The following GALNT6 variants were observed in gnomAD, a reference collection of about 807,000 sequenced individuals.
GALNT6 encodes polypeptide N-acetylgalactosaminyltransferase 6.
Under a neutral mutation model 65.9 loss-of-function variants are expected in GALNT6, and 51 were observed. The ratio of observed to expected loss-of-function variants is 0.77; its 90% confidence interval spans 0.62 to 0.98. The LOEUF (loss-of-function observed/expected upper bound fraction) is 0.98, where lower values mean the gene tolerates loss of function less well. GALNT6 is among the 50% of genes least tolerant of loss of function. The pLI is 0.00. For synonymous variants in GALNT6, 323 were observed against 315.1 expected (o/e 1.02, Z -0.26); for missense variants, 708 against 803.3 (o/e 0.88, Z 1.43).
At chr12:51,385,392 C>T (rs1238305398) in intron 2 of GALNT6, among the ~76,000 whole-genome samples, 1 of 152,150 alleles carries the variant, frequency 6.6e-6, no homozygotes, top group Non-Finnish European at 1.5e-5. Flanking sequence ...ATTCATACAA[C>T]TAAAGACAAA....
Position 51,387,300 on chromosome 12 carries a change from A to G in GALNT6, c.-104+3550T>C, listed in dbSNP as rs796435442. ...TTTTTAGTAGAGACAGTGTTTCGCCATGTTGGCCAGGCTAGTCTTGAACTC... is the reference window on the plus strand; with the variant it reads ...TTTTTAGTAGAGACAGTGTTTCGCCGTGTTGGCCAGGCTAGTCTTGAACTC... On this transcript the variant is annotated intron_variant, in intron 2 of 11. Coordinates refer to ENST00000356317, the MANE Select transcript of GALNT6 (RefSeq NM_007210.4). The surrounding 1 kb of genome is among the most constrained non-coding windows in gnomAD (Gnocchi z 4.2). Among the ~76,000 whole-genome samples the G allele has an allele frequency of 1.3e-5, 2 of 152,218 alleles. No homozygotes were observed. Among genetic ancestry groups the G allele is most frequent in the African/African-American group, 2.4e-5 (1 of 41,518 alleles).
chr12:51,370,185 A>C (rs1947245262), intron 4 of GALNT6, among the ~76,000 whole-genome samples: 1 of 152,264 alleles, frequency 6.6e-6, no homozygotes, highest in Non-Finnish European at 1.5e-5. Flanking sequence ...CTCAGTGTCC[A>C]TCAGCGAATG....
Position 51,358,167 on chromosome 12 carries a change from A to G in GALNT6, c.1463T>C (p.Met488Thr). The G allele has an allele frequency of 1.2e-6, 2 of 1,614,108 alleles. No individual in the cohort carries two copies. The highest frequency in any genetic ancestry group is 1.7e-6 in the Non-Finnish European group (2 of 1,179,964). ...SWYLHNVYPE[M>T]FVPDLTPTFY... ...GGTGGGCGTCAGGTCAGGAACAAAC[A>G]TCTCTGGGTAGACATTGTGCAGGTA... is the stretch of plus-strand genomic sequence containing the variant. Residue 488 changes from methionine (M) to threonine (T), a missense_variant, in exon 9 of 12, where the codon ATG (methionine) becomes ACG (threonine). Transcript: ENST00000356317.
chr12:51,378,577 C>A (rs1592347063), intron 3 of GALNT6, among the ~76,000 whole-genome samples: 2 of 152,282 alleles, frequency 1.3e-5, no homozygotes, highest in African/African-American at 4.8e-5. Context: ...CTCACGAAAT[C>A]TGGGGATGAG....
intron 6 of GALNT6, 130 bp from the exon 7 acceptor site, chr12:51,360,968 C>A: frequency 1.6e-6 from 1 of 620,366 alleles, no homozygotes; most frequent in South Asian, 1.9e-5. Flanking sequence ...GGACGTGCAG[C>A]CCCTCATCCA....
rs773877136 is a variant in GALNT6 at position 51,364,273 on chromosome 12, G to A, written c.897C>T (p.Val299=). ...ACTCAAAAGTATTAAGGTCGATGGT[G>A]ACGATGTCTGGGCTCACCACCACTG... The part of the protein sequence containing the change: ...DKTVVVSPDI[V]TIDLNTFEFA... Residue 299 remains valine (V), a synonymous_variant, in exon 6 of 12, where the codon GTC becomes GTT. Coordinates refer to ENST00000356317, the MANE Select transcript of GALNT6 (RefSeq NM_007210.4). 1 of 1,614,190 alleles carries A rather than the reference G, an allele frequency of 6.2e-7. No homozygotes were observed. Among genetic ancestry groups the A allele is most frequent in the Non-Finnish European group, 8.5e-7 (1 of 1,180,026 alleles).
At chr12:51,354,693 C>G (rs1592307574) in intron 11 of GALNT6, among the ~76,000 whole-genome samples, 1 of 152,144 alleles carries the variant, frequency 6.6e-6, no homozygotes, top group Admixed American at 6.6e-5. Context: ...ATCCCCATCC[C>G]TAGCTTCAGA....
rs1947603052 is a variant in GALNT6, at chr12:51,379,800, ACCC to A, written c.-22_-20del. On this transcript the variant is annotated 5_prime_UTR_variant, in exon 3 of 12. Coordinates refer to ENST00000356317, the MANE Select transcript of GALNT6 (RefSeq NM_007210.4). Reference sequence around the variant, plus strand: ...GCCTCATCCTCCAGAACCAAGGGGCACCCCAGCTGCGTCAGCTCTGAGTCCTGA... The same window carrying A: ...GCCTCATCCTCCAGAACCAAGGGGCACAGCTGCGTCAGCTCTGAGTCCTGA... 3 of 1,586,918 alleles carry A rather than the reference ACCC, an allele frequency of 1.9e-6. No individual in the cohort carries two copies. The African/African-American group carries it at 4.0e-5, about 21-fold the overall frequency.
At chr12:51,369,389 G>A (rs1047183185) in intron 4 of GALNT6, among the ~76,000 whole-genome samples, 3 of 152,134 alleles carry the variant, frequency 2.0e-5, no homozygotes, top group African/African-American at 7.2e-5. Flanking sequence ...CTACTGGACA[G>A]ACCCAGAACT....
chr12:51,374,104 C>T (rs1947376768), intron 4 of GALNT6, among the ~76,000 whole-genome samples: 1 of 151,612 alleles, frequency 6.6e-6, no homozygotes, highest in Non-Finnish European at 1.5e-5. Flanking sequence ...AAGCAATCCT[C>T]CTGCCACAGC....
chr12:51,355,434 A>G (rs1047122294), intron 11 of GALNT6, among the ~76,000 whole-genome samples: 3 of 152,138 alleles, frequency 2.0e-5, no homozygotes, highest in African/African-American at 4.8e-5. Flanking sequence ...AAATGAAGAA[A>G]ATATAGAGGG....
chr12:51,364,388 G>T, intron 5 of GALNT6, 33 bp from the exon 6 acceptor site: 1 of 1,486,982 alleles, frequency 6.7e-7, no homozygotes, highest in Non-Finnish European at 9.4e-7. Flanking sequence ...AGCAGTCAGG[G>T]CCCTGCCCAC....
At chr12:51,381,698 G>A (rs749979) in intron 2 of GALNT6, among the ~76,000 whole-genome samples, 147 of 152,326 alleles carry the variant, frequency 9.7e-4, no homozygotes, top group African/African-American at 3.4e-3. Context: ...TCTATAAAGT[G>A]GGGGCAACTA....
At chr12:51,355,438 T>C (rs889781805) in intron 11 of GALNT6, among the ~76,000 whole-genome samples, 2 of 152,102 alleles carry the variant, frequency 1.3e-5, no homozygotes, top group Admixed American at 1.3e-4. Flanking sequence ...GAAGAAAATA[T>C]AGAGGGGCCG....
Position 51,365,494 on chromosome 12 carries a change from GA to G in GALNT6, c.749del (p.Ile250ThrfsTer45). ...VVRQEERKGL[I>X]TARLLGASVA... ...CGCTGGCCCCCAGCAGCCGGGCGGT[GA>G]TCAGCCCCTTCCGCTCCTCCTGCCG... On this transcript the variant is annotated frameshift_variant, in exon 5 of 12. Coordinates refer to ENST00000356317, the MANE Select transcript of GALNT6 (RefSeq NM_007210.4). LOFTEE classifies it high-confidence loss of function. 1 of 1,612,406 alleles carries G rather than the reference GA, an allele frequency of 6.2e-7. No homozygotes were observed. Among genetic ancestry groups the G allele is most frequent in the Non-Finnish European group, 8.5e-7 (1 of 1,179,976 alleles).
intron 4 of GALNT6, among the ~76,000 whole-genome samples, chr12:51,368,541 A>ATTATTGGCACCTGCG (rs1226547815): frequency 4.0e-5 from 6 of 151,870 alleles, no homozygotes; most frequent in African/African-American, 1.2e-4. Flanking sequence ...AGTAGCTGAG[A>ATTATTGGCACCTGCG]TTATTGGCAC....
chr12:51,351,965 C>T lies in GALNT6; in HGVS notation c.*2414G>A, dbSNP rs369058228. On this transcript the variant is annotated 3_prime_UTR_variant, in exon 12 of 12. Transcript: ENST00000356317. ...ACTTTTTCCCTTCCCTACTCCAGGT[C>T]GTACCCTGGCCACTCCTTTCCTTTT... 9.2e-4 allele frequency: 140 copies of T among 152,164 alleles called. No homozygotes were observed. Among genetic ancestry groups the T allele is most frequent in the African/African-American group, 3.3e-3 (135 of 41,518 alleles). 9.4% of individuals were successfully genotyped at this position (152,164 alleles called of 1,614,324 possible).
At chr12:51,364,446 G>C (rs908833361) in intron 5 of GALNT6, 91 bp from the exon 6 acceptor site, 2 of 858,280 alleles carry the variant, frequency 2.3e-6, no homozygotes, top group African/African-American at 3.4e-5. Flanking sequence ...GAGGATAAGA[G>C]ACAGTCCACC....
chr12:51,375,284 C>T (rs1208312533), intron 4 of GALNT6, among the ~76,000 whole-genome samples: 2 of 152,182 alleles, frequency 1.3e-5, no homozygotes. Context: ...ATGCCATTCT[C>T]TTGTGGGAAT....
Sources: allele counts gnomAD v4.1 joint callset (sites outside exome capture counted in the v4.1 genomes callset), GRCh38; gene constraint gnomAD v4.1.1; non-coding constraint Gnocchi (gnomAD v3.1); transcripts MANE v1.5; gene names NCBI Gene and HGNC (gene_info 2026-07-23, HGNC 2026-07-21).